Variants in CERS3 observed in about 807,000 individuals in gnomAD.
CERS3 encodes LAG1 homolog, ceramide synthase 3.
Under a neutral mutation model 50.3 loss-of-function variants are expected in CERS3, and 33 were observed. The observed-to-expected ratio is 0.66, with a 90% CI of 0.50 to 0.88. CERS3 has a LOEUF of 0.88. Among genes scored for constraint, CERS3 ranks in the 40% least tolerant of loss-of-function variants. The probability of loss-of-function intolerance (pLI) is 0.00; values close to 1 mark genes in which losing one functional copy is unlikely to be tolerated. For synonymous variants in CERS3, 176 were observed against 155.2 expected, an observed-to-expected ratio of 1.13 and a Z score of -0.99; for missense variants, 470 against 460.3, an observed-to-expected ratio of 1.02 and a Z score of -0.19.
intron 11 of CERS3, among the ~76,000 whole-genome samples, chr15:100,448,141 T>G (rs2034011117): frequency 6.6e-6 from 1 of 152,196 alleles, no homozygotes; most frequent in Non-Finnish European, 1.5e-5. Flanking sequence ...TCATAAAGGT[T>G]GTCCAAAACT....
At chr15:100,506,090 A>ACAAT (rs770981163) in intron 2 of CERS3, among the ~76,000 whole-genome samples, 1 of 139,558 alleles carries the variant, frequency 7.2e-6, no homozygotes, top group African/African-American at 2.6e-5. Flanking sequence ...AAACAAACAA[A>ACAAT]CAATCAACAA....
At chr15:100,482,472 G>T (rs79923574) in intron 5 of CERS3, among the ~76,000 whole-genome samples, 3 of 152,072 alleles carry the variant, frequency 2.0e-5, no homozygotes, top group Admixed American at 1.3e-4. Flanking sequence ...ACCCAGCCGG[G>T]GAGAGCCCTT....
chr15:100,436,855 T>C (rs924530338), intron 11 of CERS3, among the ~76,000 whole-genome samples: 7 of 152,010 alleles, frequency 4.6e-5, no homozygotes, highest in African/African-American at 1.7e-4. Flanking sequence ...GACACGCTGT[T>C]ATCATCAGCA....
At chr15:100,433,673 C>T (rs565683947) in intron 11 of CERS3, among the ~76,000 whole-genome samples, 1 of 152,318 alleles carries the variant, frequency 6.6e-6, no homozygotes, top group African/African-American at 2.4e-5. Flanking sequence ...GGTGTGGAAG[C>T]CCAGGGTATC....
At chr15:100,436,332 T>C (rs747313773) in intron 11 of CERS3, among the ~76,000 whole-genome samples, 1 of 152,158 alleles carries the variant, frequency 6.6e-6, no homozygotes, top group African/African-American at 2.4e-5. Context: ...GGAACGTGGA[T>C]GAAGCTGGAA....
At chr15:100,460,750 C>G (rs111582396) in intron 10 of CERS3, among the ~76,000 whole-genome samples, 73 of 152,310 alleles carry the variant, frequency 4.8e-4, no homozygotes, top group African/African-American at 1.8e-3. Context: ...CTTACTAGGT[C>G]CCCTATTGGG....
chr15:100,417,425 G>T (rs1397428174), intron 11 of CERS3, among the ~76,000 whole-genome samples: 2 of 152,072 alleles, frequency 1.3e-5, no homozygotes, highest in African/African-American at 4.8e-5. Flanking sequence ...TGGCTCTGAG[G>T]GTCCTACCCC....
intron 11 of CERS3, among the ~76,000 whole-genome samples, chr15:100,404,411 G>T (rs568953558): frequency 2.6e-5 from 4 of 152,112 alleles, no homozygotes; most frequent in Non-Finnish European, 5.9e-5. Flanking sequence ...CCATGTATAG[G>T]ATCTGTATGT....
At chr15:100,508,217 C>T (rs2036239554) in intron 2 of CERS3, among the ~76,000 whole-genome samples, 1 of 152,170 alleles carries the variant, frequency 6.6e-6, no homozygotes, top group Non-Finnish European at 1.5e-5. Flanking sequence ...ACAGTGGGCA[C>T]TCATTTGCTC....
chr15:100,415,815 G>A (rs1160729284), intron 11 of CERS3, among the ~76,000 whole-genome samples: 1 of 151,608 alleles, frequency 6.6e-6, no homozygotes, highest in East Asian at 1.9e-4. Context: ...GGGAGGGGAG[G>A]GAGCATTCGG....
Position 100,401,531 on chromosome 15 carries a change from CAG to C in CERS3, c.*1180_*1181del, listed in dbSNP as rs1442309260. 1 of 152,392 alleles carries C rather than the reference CAG, an allele frequency of 6.6e-6. No individual in the cohort carries two copies. The highest frequency in any genetic ancestry group is 6.5e-5 in the Admixed American group (1 of 15,288). 9.4% of individuals were successfully genotyped at this position (152,392 alleles called of 1,614,324 possible). On this transcript the variant is annotated 3_prime_UTR_variant, in exon 12 of 12. Transcript: ENST00000679737. ...CTAGCACCTGCCCTTAAACATTTCT[CAG>C]GGGTATGCCTTTTATGGCCTTTTGT...
At chr15:100,423,602 G>A (rs1027635459) in intron 11 of CERS3, among the ~76,000 whole-genome samples, 2 of 152,160 alleles carry the variant, frequency 1.3e-5, no homozygotes, top group African/African-American at 4.8e-5. Context: ...CCTACTTGAG[G>A]GCGGAGGGTA....
At chr15:100,426,735 A>C (rs1567605730) in intron 11 of CERS3, among the ~76,000 whole-genome samples, 1 of 152,182 alleles carries the variant, frequency 6.6e-6, no homozygotes, top group Non-Finnish European at 1.5e-5. Context: ...TTCAAACTCA[A>C]AAACTCAATA....
At chr15:100,523,574 G>T (rs977202926) in intron 1 of CERS3, among the ~76,000 whole-genome samples, 1 of 151,750 alleles carries the variant, frequency 6.6e-6, no homozygotes, top group Non-Finnish European at 1.5e-5. Context: ...GGTGGTGGGC[G>T]CCTGTAGTCC....
intron 10 of CERS3, among the ~76,000 whole-genome samples, chr15:100,462,129 A>G (rs2034569560): frequency 6.6e-6 from 1 of 152,236 alleles, no homozygotes; most frequent in Non-Finnish European, 1.5e-5. Flanking sequence ...TTTCCTTTTC[A>G]TAAAGAATGC....
chr15:100,411,131 T>A (rs1483876663), intron 11 of CERS3, among the ~76,000 whole-genome samples: 1 of 152,212 alleles, frequency 6.6e-6, no homozygotes, highest in Admixed American at 6.5e-5. Context: ...ATTCATGTTG[T>A]AGCATGTGTC....
At chr15:100,508,743 A>G (rs1479882590) in intron 2 of CERS3, among the ~76,000 whole-genome samples, 2 of 152,126 alleles carry the variant, frequency 1.3e-5, no homozygotes, top group Non-Finnish European at 2.9e-5. Flanking sequence ...ACAGCTCCTC[A>G]GTATCTCTGC....
chr15:100,490,908 T>A lies in CERS3; in HGVS notation c.197A>T (p.Lys66Ile). Reference sequence around the variant, plus strand: ...AACTGTCTCTTTAATGCCAAATGATTTTGCTAGAGGTGAAGCAACAAATCT... The same window carrying A: ...AACTGTCTCTTTAATGCCAAATGATATTGCTAGAGGTGAAGCAACAAATCT... ...FEKFVASPLA[K>I]SFGIKETVRK... The change falls in exon 4 of 12, where the codon AAA (lysine) becomes ATA (isoleucine). Residue 66 changes from lysine to isoleucine, a missense_variant. By Grantham distance (102) the Lys-to-Ile change is moderately radical. Transcript: ENST00000679737. 6.2e-7 allele frequency: 1 copy of A among 1,602,304 alleles called. No individual in the cohort carries two copies. The highest frequency in any genetic ancestry group is 8.5e-7 in the Non-Finnish European group (1 of 1,175,722).
intron 10 of CERS3, among the ~76,000 whole-genome samples, chr15:100,465,493 A>G (rs1298026815): frequency 6.6e-6 from 1 of 152,196 alleles, no homozygotes; most frequent in African/African-American, 2.4e-5. Flanking sequence ...TACCTGAAAG[A>G]AGCTCCCTCT....
Sources: gnomAD v4.1 joint callset for allele counts (sites outside exome capture counted in the v4.1 genomes callset) on GRCh38, gnomAD v4.1.1 for gene constraint, MANE v1.5 for transcripts, NCBI Gene and HGNC (gene_info 2026-07-23, HGNC 2026-07-21) for gene names.